The following FARP2 variants were observed in gnomAD, a reference collection of about 807,000 sequenced individuals.
FARP2 encodes the protein FERM, ARH/RhoGEF and pleckstrin domain protein 2, also known as FERM, ARHGEF and pleckstrin domain-containing protein 2.
A neutral mutation model predicts 130.5 loss-of-function variants in FARP2; 111 were observed. The observed-to-expected ratio is 0.85, with a 90% CI of 0.73 to 1.00. The LOEUF (loss-of-function observed/expected upper bound fraction) is 1.00, where lower values mean the gene tolerates loss of function less well. FARP2 is among the 50% of genes least tolerant of loss of function. The pLI is 0.00. For synonymous variants in FARP2, 504 were observed against 516.9 expected (o/e 0.98, Z 0.34); for missense variants, 1,385 against 1,346.3 (o/e 1.03, Z -0.45).
chr2:241,416,696 A>G (rs1263218111), intron 7 of FARP2, among the ~76,000 whole-genome samples: 3 of 151,990 alleles, frequency 2.0e-5, no homozygotes, highest in Non-Finnish European at 4.4e-5. Context: ...AGAGGCCAAC[A>G]AGTTTGAGTC....
At chr2:241,422,913 A>G (rs1232163291) in intron 8 of FARP2, among the ~76,000 whole-genome samples, 1 of 152,194 alleles carries the variant, frequency 6.6e-6, no homozygotes, top group Non-Finnish European at 1.5e-5. Context: ...AAGAATAGAG[A>G]GAAAAGAATG....
intron 2 of FARP2, among the ~76,000 whole-genome samples, chr2:241,385,953 T>C (rs961282775): frequency 1.3e-5 from 2 of 152,222 alleles, no homozygotes; most frequent in Admixed American, 1.3e-4. Context: ...TTTCTCTCTT[T>C]ACCTCCTGTA....
intron 1 of FARP2, among the ~76,000 whole-genome samples, chr2:241,366,127 A>ACG (rs1553705682): frequency 7.3e-6 from 1 of 136,482 alleles, no homozygotes; most frequent in African/African-American, 2.8e-5. Context: ...ATATACGTAT[A>ACG]TATATATATA....
At chr2:241,493,811 G>A in intron 26 of FARP2, 197 bp from the exon 27 acceptor site, 1 of 511,862 alleles carries the variant, frequency 2.0e-6, no homozygotes, top group Non-Finnish European at 3.5e-6. Context: ...TGGCCAGGCT[G>A]GTCTCGAACT....
At chr2:241,437,259 A>G (rs539944360) in intron 12 of FARP2, among the ~76,000 whole-genome samples, 4 of 152,348 alleles carry the variant, frequency 2.6e-5, no homozygotes, top group South Asian at 2.1e-4. Context: ...CTATATCAAA[A>G]CAAAGATACA....
In FARP2 at chr2:241,483,954, G is replaced by A. The variant is rs2124887971; in HGVS notation, c.2332-288G>A. 3 of 1,300,196 alleles carry A rather than the reference G, an allele frequency of 2.3e-6. 1 individual carries two copies. Among genetic ancestry groups the A allele is most frequent in the South Asian group, 3.3e-5 (2 of 60,042 alleles). The allele number at this position is 1,300,196 out of a possible 1,614,324, so 80.5% of individuals were successfully genotyped here. A position where few individuals can be genotyped will look rare whatever the true frequency, so the allele number is the denominator to read the frequency against. On this transcript the variant is annotated intron_variant, in intron 20 of 26. Coordinates refer to ENST00000264042, the MANE Select transcript of FARP2 (RefSeq NM_014808.4). ...TAGTGGGTTCCAGCCTGAAACATGTGGATGAGGAGGTAACTGAGTCAGCAC... is the reference window on the plus strand; with the variant it reads ...TAGTGGGTTCCAGCCTGAAACATGTAGATGAGGAGGTAACTGAGTCAGCAC...
At chr2:241,384,926 A>G (rs192427967) in intron 2 of FARP2, among the ~76,000 whole-genome samples, 96 of 152,320 alleles carry the variant, frequency 6.3e-4, no homozygotes, top group African/African-American at 2.3e-3. Flanking sequence ...ATTTACATCA[A>G]TTGTAAATTT....
At chr2:241,415,796 A>G (rs796771690) in intron 7 of FARP2, among the ~76,000 whole-genome samples, 10 of 152,302 alleles carry the variant, frequency 6.6e-5, no homozygotes, top group African/African-American at 2.2e-4. Context: ...CTGGGGAGGT[A>G]GGCACAGGAG....
chr2:241,370,091 G>A (rs187827877), intron 1 of FARP2, among the ~76,000 whole-genome samples: 1 of 152,260 alleles, frequency 6.6e-6, no homozygotes, highest in East Asian at 1.9e-4. Context: ...AATGCAGTAA[G>A]AAGAAATAAG....
intron 4 of FARP2, among the ~76,000 whole-genome samples, chr2:241,407,023 T>A (rs2062376486): frequency 6.6e-6 from 1 of 151,558 alleles, no homozygotes; most frequent in Non-Finnish European, 1.5e-5. Flanking sequence ...TTGGCCAGGA[T>A]GGTCTCGATC....
chr2:241,388,561 A>G (rs1349734754), intron 2 of FARP2, among the ~76,000 whole-genome samples: 1 of 152,246 alleles, frequency 6.6e-6, no homozygotes, highest in Non-Finnish European at 1.5e-5. Flanking sequence ...AGTAAAAATA[A>G]TGAGAGAAAA....
chr2:241,466,182 C>G lies in FARP2; in HGVS notation c.1894-1958C>G, dbSNP rs1274039372. On this transcript the variant is annotated intron_variant, in intron 17 of 26. Transcript: ENST00000264042. The stretch of plus-strand genomic sequence containing the variant: ...CCCCAGGTTGGGATCAGGGACCACC[C>G]CCTCACGGGGCATAAGGTCAGTTTT... 5.7e-6 allele frequency: 6 copies of G among 1,053,902 alleles called. No individual in the cohort carries two copies. In the African/African-American group the frequency reaches 1.0e-4, roughly 18 times the overall value. 65.3% of individuals were successfully genotyped at this position (1,053,902 alleles called of 1,614,324 possible). A position where few individuals can be genotyped will look rare whatever the true frequency, so the allele number is the denominator to read the frequency against.
At chr2:241,438,639 T>G (rs1274145188) in intron 12 of FARP2, among the ~76,000 whole-genome samples, 9 of 150,928 alleles carry the variant, frequency 6.0e-5, no homozygotes, top group Admixed American at 3.3e-4. Context: ...TTTTTGTTTT[T>G]TTTTTTTTGA....
intron 1 of FARP2, among the ~76,000 whole-genome samples, chr2:241,365,522 A>G (rs2150286347): frequency 6.6e-6 from 1 of 152,352 alleles, no homozygotes; most frequent in Middle Eastern, 3.4e-3. Context: ...GGTCCTATAT[A>G]TAGCATTTGA....
intron 1 of FARP2, among the ~76,000 whole-genome samples, chr2:241,364,978 C>T (rs1428091047): frequency 6.6e-6 from 1 of 152,148 alleles, no homozygotes; most frequent in African/African-American, 2.4e-5. Context: ...CACCCCTGCA[C>T]AAATCAGGTC....
At chr2:241,468,074 C>A in intron 17 of FARP2, 66 bp from the exon 18 acceptor site, 1 of 1,094,500 alleles carries the variant, frequency 9.1e-7, no homozygotes, top group Non-Finnish European at 1.4e-6. Context: ...TCAAGGAAAA[C>A]AGGCCAGTCT....
At chr2:241,489,192 C>CAT (rs1412998752) in intron 21 of FARP2, 4 of 152,198 alleles carry the variant, frequency 2.6e-5, no homozygotes, top group Non-Finnish European at 5.9e-5. Flanking sequence ...GGAAGCTGTC[C>CAT]ATTCTGTGGA....
chr2:241,380,381 G>A (rs2061633468), intron 2 of FARP2, among the ~76,000 whole-genome samples: 1 of 152,082 alleles, frequency 6.6e-6, no homozygotes, highest in African/African-American at 2.4e-5. Context: ...ATCTACTCGT[G>A]CCCATGTAAC....
At chr2:241,368,949 G>C (rs1242978809) in intron 1 of FARP2, among the ~76,000 whole-genome samples, 2 of 152,128 alleles carry the variant, frequency 1.3e-5, no homozygotes, top group East Asian at 3.8e-4. Flanking sequence ...ACAACAAACA[G>C]ATTTTTCTTT....
Sources: allele counts gnomAD v4.1 joint callset (sites outside exome capture counted in the v4.1 genomes callset), GRCh38; gene constraint gnomAD v4.1.1; transcripts MANE v1.5; gene names NCBI Gene and HGNC (gene_info 2026-07-23, HGNC 2026-07-21).